Variants in ECM2 observed in about 807,000 individuals in gnomAD.
ECM2 encodes the protein extracellular matrix protein 2, female organ and adipocyte specific.
ECM2 carries 57 observed loss-of-function variants against 67.5 expected under a neutral mutation model. The ratio of observed to expected loss-of-function variants is 0.84; its 90% CI spans 0.68 to 1.05. The LOEUF (loss-of-function observed/expected upper bound fraction) is 1.05, where lower values mean the gene tolerates loss of function less well. ECM2 is among the 50% of genes least tolerant of loss of function. The pLI is 0.00. For missense variants in ECM2, 741 were observed against 822.8 expected, an observed-to-expected ratio of 0.90 and a Z score of 1.22; for synonymous variants, 258 against 294.5, an observed-to-expected ratio of 0.88 and a Z score of 1.27.
At chr9:92,540,050 T>G (rs1849281242), upstream of ECM2, among the ~76,000 whole-genome samples, 1 of 152,252 alleles carries the variant, frequency 6.6e-6, no homozygotes, top group Admixed American at 6.5e-5. Context: ...GTAATACATA[T>G]AAGTGGCATA....
At chr9:92,520,246 G>A (rs1449654824) in intron 2 of ECM2, among the ~76,000 whole-genome samples, 5 of 151,636 alleles carry the variant, frequency 3.3e-5, no homozygotes, top group Admixed American at 6.6e-5. Flanking sequence ...TTGTACCACC[G>A]TATTCCAGCC....
chr9:92,551,943 AT>A, the ECM2 span, among the ~76,000 whole-genome samples: 1 of 107,700 alleles, frequency 9.3e-6, no homozygotes, highest in African/African-American at 3.7e-5. Context: ...ATATATATAT[AT>A]ATATATATGA....
At chr9:92,505,778 C>A in intron 6 of ECM2, 88 bp from the exon 7 acceptor site, 2 of 1,111,936 alleles carry the variant, frequency 1.8e-6, no homozygotes, top group Non-Finnish European at 2.5e-6. Context: ...GTGAAATGGC[C>A]GGTTTATTTG....
the ECM2 span, among the ~76,000 whole-genome samples, chr9:92,557,766 T>C: frequency 1.1e-4 from 16 of 151,994 alleles, no homozygotes; most frequent in Non-Finnish European, 2.9e-5. Context: ...CCTCAGCCTC[T>C]CGAGTAGCTG....
chr9:92,524,078 T>G (rs888944091), intron 1 of ECM2, among the ~76,000 whole-genome samples: 1 of 152,252 alleles, frequency 6.6e-6, no homozygotes, highest in Non-Finnish European at 1.5e-5. Context: ...CAAAGATTAC[T>G]TGGGAGATTT....
intron 4 of ECM2, 145 bp downstream of exon 4, chr9:92,514,486 G>T: frequency 9.3e-7 from 1 of 1,073,836 alleles, no homozygotes; most frequent in Non-Finnish European, 1.3e-6. Flanking sequence ...TATTGTCCAG[G>T]CTGGTCTCAA....
intron 9 of ECM2, 90 bp from the exon 10 acceptor site, chr9:92,496,573 T>C: frequency 6.6e-7 from 1 of 1,512,048 alleles, no homozygotes; most frequent in Non-Finnish European, 8.8e-7. Flanking sequence ...AAAAATTTTG[T>C]TCTTAAAATA....
the ECM2 span, among the ~76,000 whole-genome samples, chr9:92,544,168 G>T: frequency 6.6e-6 from 1 of 152,192 alleles, no homozygotes; most frequent in Non-Finnish European, 1.5e-5. Context: ...TATTAACTGT[G>T]CACTTGTCAT....
intron 1 of ECM2, among the ~76,000 whole-genome samples, chr9:92,532,029 A>ATT (rs201461115): frequency 1.1e-5 from 1 of 91,050 alleles, no homozygotes; most frequent in Admixed American, 1.1e-4. Context: ...TTTTTTTTTT[A>ATT]TTTTATTTTT....
chr9:92,548,381 G>T, the ECM2 span, among the ~76,000 whole-genome samples: 1 of 152,160 alleles, frequency 6.6e-6, no homozygotes, highest in Admixed American at 6.6e-5. Context: ...TCAGCAAAGG[G>T]AACAAAAGGA....
At chr9:92,508,599 T>C (rs2131180695) in intron 6 of ECM2, among the ~76,000 whole-genome samples, 1 of 152,374 alleles carries the variant, frequency 6.6e-6, no homozygotes, top group African/African-American at 2.4e-5. Context: ...CTTCAGCAGT[T>C]AGAAACTGAA....
intron 1 of ECM2, among the ~76,000 whole-genome samples, chr9:92,526,070 G>C (rs4744137): frequency 6.6e-6 from 1 of 151,800 alleles, no homozygotes; most frequent in Non-Finnish European, 1.5e-5. Context: ...AGCCTGAGGT[G>C]GTTCCTTCAG....
intron 1 of ECM2, among the ~76,000 whole-genome samples, chr9:92,530,285 T>C (rs1379305115): frequency 1.3e-5 from 2 of 152,054 alleles, no homozygotes; most frequent in Non-Finnish European, 2.9e-5. Flanking sequence ...ACTATGGACA[T>C]TGGGTGATAA....
intron 1 of ECM2, among the ~76,000 whole-genome samples, chr9:92,533,324 A>T (rs1234083707): frequency 0.012 from 953 of 82,368 alleles, no homozygotes; most frequent in African/African-American, 0.015. Context: ...AAAAAAAAAA[A>T]AAAAATATAT....
rs74617762 is a variant in ECM2 at position 92,505,829 on chromosome 9, A to G, written c.1307-139T>C. The G allele has an allele frequency of 6.6e-4, 439 of 665,640 alleles. 3 individuals are homozygous for G. In the African/African-American group the frequency reaches 7.3e-3, roughly 11 times the overall value. The allele number at this position is 665,640 out of a possible 1,614,324, so 41.2% of individuals were successfully genotyped here. On this transcript the variant is annotated intron_variant, in intron 6 of 9. Coordinates refer to ENST00000344604, the MANE Select transcript of ECM2 (RefSeq NM_001393.4). ...TTTTTTTAAACCTTTGTATCCTCCT[A>G]TAAAACCTTTTCTTAAGTACTTTGT... is the stretch of plus-strand genomic sequence containing the variant.
chr9:92,550,217 G>A, the ECM2 span, among the ~76,000 whole-genome samples: 3 of 152,262 alleles, frequency 2.0e-5, no homozygotes, highest in East Asian at 1.9e-4. Context: ...CCAACATGGC[G>A]AAACCCCGTC....
At chr9:92,496,798 AAAG>A (rs779995840) in intron 9 of ECM2, among the ~76,000 whole-genome samples, 3 of 152,202 alleles carry the variant, frequency 2.0e-5, no homozygotes, top group Non-Finnish European at 4.4e-5. Flanking sequence ...ACAACATGAC[AAAG>A]AAGGAGAAAG....
chr9:92,546,911 A>G, the ECM2 span, among the ~76,000 whole-genome samples: 5,501 of 152,324 alleles, frequency 0.036, 140 homozygotes, highest in Middle Eastern at 0.075. Context: ...ACAGGTCTCT[A>G]TATTCTTCAC....
intron 1 of ECM2, among the ~76,000 whole-genome samples, chr9:92,527,361 T>A (rs866214738): frequency 9.9e-5 from 15 of 152,236 alleles, no homozygotes; most frequent in East Asian, 3.9e-4. Context: ...TGCCTACAGT[T>A]TTCAGTACAG....
Sources: allele counts gnomAD v4.1 joint callset (sites outside exome capture counted in the v4.1 genomes callset), GRCh38; gene constraint gnomAD v4.1.1; transcripts MANE v1.5; gene names NCBI Gene and HGNC (gene_info 2026-07-23, HGNC 2026-07-21).